IL23R: variants seen among roughly 807,000 people sequenced by gnomAD.
IL23R encodes the protein interleukin 23 receptor, also known as interleukin-23 receptor.
In IL23R, 34 loss-of-function variants were observed where a neutral mutation model predicts 56.9. The ratio of observed to expected loss-of-function variants is 0.60; its 90% CI spans 0.45 to 0.80. IL23R has a LOEUF of 0.80. Among genes scored for constraint, IL23R ranks in the 30% least tolerant of loss-of-function variants. IL23R has a pLI of 0.00. For synonymous variants in IL23R, 230 were observed against 249.2 expected, an observed-to-expected ratio of 0.92 and a Z score of 0.73; for missense variants, 635 against 730.0, an observed-to-expected ratio of 0.87 and a Z score of 1.50.
intron 3 of IL23R, among the ~76,000 whole-genome samples, chr1:67,173,603 G>A (rs1646971912): frequency 6.6e-6 from 1 of 152,104 alleles, no homozygotes; most frequent in African/African-American, 2.4e-5. Context: ...GTAACTCAAT[G>A]CTACAAGTCG....
chr1:67,181,871 G>T (rs1299303401), intron 3 of IL23R, among the ~76,000 whole-genome samples: 1 of 152,214 alleles, frequency 6.6e-6, no homozygotes, highest in Non-Finnish European at 1.5e-5. Flanking sequence ...CTCAGCTGCA[G>T]GTCTGTTGGA....
intron 4 of IL23R, among the ~76,000 whole-genome samples, chr1:67,200,080 C>A (rs972561124): frequency 6.6e-6 from 1 of 152,202 alleles, no homozygotes; most frequent in Non-Finnish European, 1.5e-5. Context: ...CGCTCTGTCG[C>A]CCCTGCTGGA....
chr1:67,235,940 G>A (rs762249268), intron 7 of IL23R, among the ~76,000 whole-genome samples: 3 of 152,192 alleles, frequency 2.0e-5, no homozygotes, highest in Admixed American at 6.5e-5. Context: ...AAGGCTTAGA[G>A]CCATCTTCAG....
At chr1:67,223,978 G>A (rs866514158) in intron 7 of IL23R, among the ~76,000 whole-genome samples, 2 of 151,456 alleles carry the variant, frequency 1.3e-5, no homozygotes, top group Non-Finnish European at 3.0e-5. Flanking sequence ...GCTTTTTACC[G>A]AATCTTTAAT....
intron 4 of IL23R, among the ~76,000 whole-genome samples, chr1:67,196,418 C>T (rs911316508): frequency 6.6e-6 from 1 of 152,022 alleles, no homozygotes; most frequent in Non-Finnish European, 1.5e-5. Flanking sequence ...CACATGCCTG[C>T]GATCCCAGCT....
intron 6 of IL23R, 33 bp from the exon 7 acceptor site, chr1:67,219,541 C>G: frequency 6.2e-7 from 1 of 1,601,236 alleles, no homozygotes; most frequent in East Asian, 2.2e-5. Context: ...TAAAAGCACA[C>G]CACATTTTAT....
intron 9 of IL23R, among the ~76,000 whole-genome samples, chr1:67,242,460 C>A (rs1651916959): frequency 6.6e-6 from 1 of 152,182 alleles, no homozygotes; most frequent in Non-Finnish European, 1.5e-5. Context: ...TTAAGAGTCT[C>A]ATGATAGTAG....
chr1:67,258,941 AGGAGGAAACCACCAT>A lies in IL23R; in HGVS notation c.1705_1719del (p.Glu569_Met573del). ...TCTCCTGACATACAAAACTCAGTAG[AGGAGGAAACCACCAT>A]GCTTTTGGAAAATGATTCACCCAGT... On this transcript the variant is annotated inframe_deletion, in exon 11 of 11. Transcript: ENST00000347310. 1 of 1,614,160 alleles carries A rather than the reference AGGAGGAAACCACCAT, an allele frequency of 6.2e-7. No homozygotes were observed. Among genetic ancestry groups the A allele is most frequent in the Admixed American group, 1.7e-5 (1 of 60,002 alleles).
intron 3 of IL23R, among the ~76,000 whole-genome samples, chr1:67,171,449 G>C (rs1276067359): frequency 6.6e-6 from 1 of 152,132 alleles, no homozygotes; most frequent in African/African-American, 2.4e-5. Flanking sequence ...TATATACTTA[G>C]TTTTGGCTCT....
chr1:67,240,145 C>T (rs1651758821), intron 8 of IL23R, 34 bp from the exon 9 acceptor site: 1 of 1,370,208 alleles, frequency 7.3e-7, no homozygotes, highest in Non-Finnish European at 1.0e-6. Context: ...AAGACTAATG[C>T]TTGGTTAAAA....
intron 7 of IL23R, among the ~76,000 whole-genome samples, chr1:67,233,214 A>T (rs1045729617): frequency 2.7e-5 from 4 of 150,030 alleles, no homozygotes; most frequent in African/African-American, 9.8e-5. Flanking sequence ...AAAAAAAAAA[A>T]AAAAAGCCAC....
chr1:67,190,858 A>C (rs569202606), intron 4 of IL23R, among the ~76,000 whole-genome samples: 1 of 152,320 alleles, frequency 6.6e-6, no homozygotes, highest in Non-Finnish European at 1.5e-5. Flanking sequence ...CTACTCTGCT[A>C]ATTCATAAGG....
At chr1:67,146,692 C>T (rs1251551299) in intron 1 of IL23R, among the ~76,000 whole-genome samples, 1 of 152,198 alleles carries the variant, frequency 6.6e-6, no homozygotes, top group African/African-American at 2.4e-5. Context: ...TTCATGTAAT[C>T]AGATCCAAGA....
At chr1:67,257,359 A>G (rs1653005685) in intron 10 of IL23R, among the ~76,000 whole-genome samples, 1 of 152,144 alleles carries the variant, frequency 6.6e-6, no homozygotes, top group Non-Finnish European at 1.5e-5. Flanking sequence ...GCCTTCTCAC[A>G]TGGCAGAGGA....
chr1:67,226,114 G>A (rs1053254959), intron 7 of IL23R, among the ~76,000 whole-genome samples: 2 of 152,242 alleles, frequency 1.3e-5, no homozygotes. Flanking sequence ...CAGATGGACA[G>A]GTGCGCAGGA....
chr1:67,210,529 C>CAT (rs144520503), intron 6 of IL23R, among the ~76,000 whole-genome samples: 24 of 151,958 alleles, frequency 1.6e-4, no homozygotes, highest in Non-Finnish European at 2.1e-4. Flanking sequence ...GTGGTGCAAT[C>CAT]ATAGCTCACT....
At chr1:67,140,873 A>T (rs571187710) in intron 1 of IL23R, among the ~76,000 whole-genome samples, 1 of 152,278 alleles carries the variant, frequency 6.6e-6, no homozygotes, top group South Asian at 2.1e-4. Flanking sequence ...CATTTTATAG[A>T]TTAAAAAATG....
chr1:67,218,352 G>GTATA lies in IL23R; in HGVS notation c.799-1221_799-1220insATAT, dbSNP rs369692194. On this transcript the variant is annotated intron_variant, in intron 6 of 10. Coordinates refer to ENST00000347310, the MANE Select transcript of IL23R (RefSeq NM_144701.3). Reference sequence around the variant, plus strand: ...TGTGTGTGTGTGTGTGTGTGTGTGTGTGTGTGTATATATATATATATGTAT... The same window carrying GTATA: ...TGTGTGTGTGTGTGTGTGTGTGTGTGTATATGTGTGTATATATATATATATGTAT... Among the ~76,000 whole-genome samples, 644 of 100,356 alleles carry GTATA rather than the reference G, an allele frequency of 6.4e-3. 1 individual carries two copies. Among genetic ancestry groups the GTATA allele is most frequent in the Middle Eastern group, 0.012 (2 of 168 alleles). 65.8% of individuals were successfully genotyped at this position (100,356 alleles called of 152,430 possible).
intron 6 of IL23R, among the ~76,000 whole-genome samples, chr1:67,210,597 G>T (rs1649397199): frequency 6.6e-6 from 1 of 151,820 alleles, no homozygotes; most frequent in Non-Finnish European, 1.5e-5. Context: ...CAAGTAGCTG[G>T]GACTACAGTC....
Sources: gnomAD v4.1 joint callset for allele counts (sites outside exome capture counted in the v4.1 genomes callset) on GRCh38, gnomAD v4.1.1 for gene constraint, MANE v1.5 for transcripts, NCBI Gene and HGNC (gene_info 2026-07-23, HGNC 2026-07-21) for gene names.